GNL3L: variants seen among roughly 807,000 people sequenced by gnomAD.
GNL3L encodes the protein guanine nucleotide-binding protein-like 3-like protein.
A neutral mutation model predicts 42.9 loss-of-function variants in GNL3L; 4 were observed. The ratio of observed to expected loss-of-function variants is 0.09; its 90% CI spans 0.05 to 0.21. The LOEUF (loss-of-function observed/expected upper bound fraction) is 0.21. GNL3L is among the 10% of genes least tolerant of loss of function. The pLI is 1.00. For synonymous variants in GNL3L, 159 were observed against 176.3 expected (o/e 0.90, Z 0.78); for missense variants, 412 against 481.7 (o/e 0.86, Z 1.36).
chrX:54,642,976 C>T, the GNL3L span, among the ~76,000 whole-genome samples: 1 of 112,029 alleles, frequency 8.9e-6, no homozygotes, highest in East Asian at 2.8e-4. Context: ...TCTCCAGAGA[C>T]AGTAACTGTT....
At chrX:54,585,726 T>G (rs1289199059) in intron 16 of GNL3L, among the ~76,000 whole-genome samples, 1 of 112,092 alleles carries the variant, frequency 8.9e-6, no homozygotes, top group Non-Finnish European at 1.9e-5. Flanking sequence ...ATTGTTTTTC[T>G]AACATTTGTT....
In GNL3L at chrX:54,560,625, C is replaced by T. The variant is rs752827083; in HGVS notation, c.*23C>T. ...TAATCGACTGATCTCACTTCCCTTC[C>T]GCTCCAAGCACCAGTTCCGGTGGTA... On this transcript the variant is annotated 3_prime_UTR_variant, in exon 16 of 16. Coordinates refer to ENST00000360845, the MANE Select transcript of GNL3L (RefSeq NM_001184819.2). The T allele has an allele frequency of 1.2e-5, 11 of 930,065 alleles. No homozygotes were observed. The highest frequency in any genetic ancestry group is 3.9e-5 in the South Asian group (2 of 50,749). 76.6% of individuals were successfully genotyped at this position (930,065 alleles called of 1,213,427 possible).
chrX:54,597,913 G>GC (rs1335252722), intron 16 of GNL3L, among the ~76,000 whole-genome samples: 1 of 111,300 alleles, frequency 9.0e-6, no homozygotes, highest in East Asian at 2.8e-4. Flanking sequence ...CGCTGCCACT[G>GC]CTGGGGGGAT....
chrX:54,554,194 G>A (rs1925019736), intron 13 of GNL3L, among the ~76,000 whole-genome samples: 2 of 111,147 alleles, frequency 1.8e-5, no homozygotes, highest in South Asian at 7.7e-4. Context: ...CAAGGGGCCA[G>A]AGAGAGGAGG....
At position 54,588,984 on chromosome X, in the gene GNL3L, ATTC is replaced by A. The variant is rs1239128917; in HGVS notation, c.*45+28340_*45+28342del. Among the ~76,000 whole-genome samples, 5 of 109,130 alleles carry A rather than the reference ATTC, an allele frequency of 4.6e-5. No individual in the cohort carries two copies. The South Asian group carries it at 1.9e-3, about 42-fold the overall frequency. The allele number at this position is 109,130 out of a possible 115,157, so 94.8% of individuals were successfully genotyped here. On this transcript the variant is annotated intron_variant, in intron 16 of 16. Transcript: ENST00000674498. ...GTTTAGTTTCCAAGTGTTTGAAGAT[ATTC>A]TTGTTATTTTTTGATACTGATTTTT...
At chrX:54,635,651 T>G in the GNL3L span, among the ~76,000 whole-genome samples, 13 of 110,637 alleles carry the variant, frequency 1.2e-4, no homozygotes, top group African/African-American at 2.3e-4. Flanking sequence ...GACCGTTTTT[T>G]TGTGTGTGTA....
At chrX:54,589,071 A>G (rs779699757) in intron 16 of GNL3L, among the ~76,000 whole-genome samples, 3 of 111,268 alleles carry the variant, frequency 2.7e-5, no homozygotes. Context: ...TATGGAATAC[A>G]TGAGATGTTT....
the GNL3L span, among the ~76,000 whole-genome samples, chrX:54,630,662 T>TTTCCTTCCTTCC: frequency 0.13 from 6,925 of 53,158 alleles, 592 homozygotes; most frequent in East Asian, 0.29. Context: ...TTTCTCCTTC[T>TTTCCTTCCTTCC]TTCCTTCCTT....
At chrX:54,618,699 A>G (rs752350837) in intron 16 of GNL3L, among the ~76,000 whole-genome samples, 2 of 111,262 alleles carry the variant, frequency 1.8e-5, no homozygotes, top group South Asian at 7.7e-4. Context: ...GTTGGAGACC[A>G]GGCTGGGCAA....
chrX:54,589,507 C>T (rs1374922251), intron 16 of GNL3L, among the ~76,000 whole-genome samples: 1 of 111,265 alleles, frequency 9.0e-6, no homozygotes, highest in Non-Finnish European at 1.9e-5. Context: ...GTTTTTGTGC[C>T]TGGCTTATTA....
At chrX:54,575,713 G>A (rs1925625289) in intron 16 of GNL3L, among the ~76,000 whole-genome samples, 1 of 109,066 alleles carries the variant, frequency 9.2e-6, no homozygotes, top group Admixed American at 9.8e-5. Flanking sequence ...CAGCCTGGGT[G>A]ACAGAGCAAG....
At chrX:54,620,460 C>T (rs1926273602) in intron 16 of GNL3L, among the ~76,000 whole-genome samples, 1 of 111,841 alleles carries the variant, frequency 8.9e-6, no homozygotes, top group Admixed American at 9.5e-5. Flanking sequence ...TGCAAATGGA[C>T]TGGTTCTCAT....
intron 14 of GNL3L, among the ~76,000 whole-genome samples, chrX:54,558,159 G>T (rs1477514805): frequency 9.0e-6 from 1 of 111,433 alleles, no homozygotes; most frequent in Non-Finnish European, 1.9e-5. Flanking sequence ...TGGGATTATA[G>T]GCATGAGCCA....
At chrX:54,572,661 G>T (rs1204695240) in intron 16 of GNL3L, among the ~76,000 whole-genome samples, 1 of 107,719 alleles carries the variant, frequency 9.3e-6, no homozygotes, top group Non-Finnish European at 1.9e-5. Flanking sequence ...CCTCCCGGAT[G>T]GGCGGCTGGC....
intron 14 of GNL3L, among the ~76,000 whole-genome samples, chrX:54,555,341 A>G (rs1925059587): frequency 9.0e-6 from 1 of 110,767 alleles, no homozygotes; most frequent in African/African-American, 3.3e-5. Flanking sequence ...TCAGTCAGCA[A>G]GACCTATGTC....
chrX:54,546,725 C>T (rs1924784026), intron 8 of GNL3L, among the ~76,000 whole-genome samples: 1 of 111,736 alleles, frequency 8.9e-6, no homozygotes, highest in Non-Finnish European at 1.9e-5. Flanking sequence ...CGGCTCACTG[C>T]AACTTCTGCC....
downstream of GNL3L, among the ~76,000 whole-genome samples, chrX:54,568,401 T>G (rs1455460386): frequency 3.6e-5 from 4 of 111,537 alleles, no homozygotes; most frequent in African/African-American, 1.3e-4. Context: ...CCAAATGAGT[T>G]TCACTGGGCC....
chrX:54,536,240 C>T (rs1482298730), intron 2 of GNL3L, among the ~76,000 whole-genome samples: 1 of 109,133 alleles, frequency 9.2e-6, no homozygotes, highest in Non-Finnish European at 1.9e-5. Context: ...TCTCAAACTC[C>T]TAATTTTTGT....
At chrX:54,622,153 A>T (rs1440309074), downstream of GNL3L, among the ~76,000 whole-genome samples, 1 of 110,480 alleles carries the variant, frequency 9.1e-6, no homozygotes, top group Non-Finnish European at 1.9e-5. Flanking sequence ...TTCTCTAATG[A>T]CTAATAATGT....
Sources: gnomAD v4.1 joint callset for allele counts (sites outside exome capture counted in the v4.1 genomes callset) on GRCh38, gnomAD v4.1.1 for gene constraint, MANE v1.5 for transcripts, NCBI Gene and HGNC (gene_info 2026-07-23, HGNC 2026-07-21) for gene names.